MAPK10: variants seen among roughly 807,000 people sequenced by gnomAD.
The protein encoded by MAPK10 is mitogen-activated protein kinase 10, also known as JNK3 alpha protein kinase.
MAPK10 carries 25 observed loss-of-function variants against 59.3 expected under a neutral mutation model. The observed-to-expected ratio is 0.42, with a 90% confidence interval of 0.31 to 0.59. The LOEUF (loss-of-function observed/expected upper bound fraction) is 0.59. MAPK10 is among the 20% of genes least tolerant of loss of function. The probability of loss-of-function intolerance (pLI) is 0.15; values close to 1 mark genes in which losing one functional copy is unlikely to be tolerated. For synonymous variants in MAPK10, 190 were observed against 200.5 expected (o/e 0.95, Z 0.44); for missense variants, 351 against 568.9 (o/e 0.62, Z 3.90).
chr4:86,011,082 G>C lies in MAPK10; in HGVS notation c.*6146C>G, dbSNP rs1290515475. ...TGACATAAGGTAGAAAATTTCAAAGGAGTGTTTGACTTGTTGCTGGATGTG... is the reference window on the plus strand; with the variant it reads ...TGACATAAGGTAGAAAATTTCAAAGCAGTGTTTGACTTGTTGCTGGATGTG... On this transcript the variant is annotated 3_prime_UTR_variant, in exon 14 of 14. Transcript: ENST00000641462. 6.6e-6 allele frequency: 1 copy of C among 152,192 alleles called. No individual in the cohort carries two copies. Among genetic ancestry groups the C allele is most frequent in the Non-Finnish European group, 1.5e-5 (1 of 68,034 alleles). The allele number at this position is 152,192 out of a possible 1,614,324, so 9.4% of individuals were successfully genotyped here. A position where few individuals can be genotyped will look rare whatever the true frequency, so the allele number is the denominator to read the frequency against.
intron 1 of MAPK10, among the ~76,000 whole-genome samples, chr4:86,378,922 G>T (rs748138838): frequency 3.7e-4 from 56 of 152,184 alleles, no homozygotes; most frequent in Admixed American, 2.0e-3. Context: ...GGTGAGAAAG[G>T]CTTCATGGAA....
At chr4:86,071,569 A>T (rs903281085) in intron 9 of MAPK10, among the ~76,000 whole-genome samples, 1 of 148,838 alleles carries the variant, frequency 6.7e-6, no homozygotes, top group Non-Finnish European at 1.5e-5. Context: ...TGATTTTTGT[A>T]TAAGGTGTAA....
rs35218486 is a variant in MAPK10 at position 86,036,430 on chromosome 4, T to TAA, written c.1111-5001_1111-5000dup. 4.4e-4 allele frequency among the ~76,000 whole-genome samples: 64 copies of TAA among 145,896 alleles called. 1 individual carries two copies. The highest frequency in any genetic ancestry group is 6.9e-3 in the Middle Eastern group (2 of 288). On this transcript the variant is annotated intron_variant, in intron 11 of 13. Transcript: ENST00000641462. ...CTCTCTCAAGTCTCTGAGAACTTGATAAAAAAAAAAACACTGTTCTCTATC... is the reference window on the plus strand; with the variant it reads ...CTCTCTCAAGTCTCTGAGAACTTGATAAAAAAAAAAAAACACTGTTCTCTATC...
intron 2 of MAPK10, among the ~76,000 whole-genome samples, chr4:86,205,778 C>A (rs1474670363): frequency 6.6e-6 from 1 of 151,798 alleles, no homozygotes; most frequent in African/African-American, 2.4e-5. Context: ...ATGGTTAAAA[C>A]ACACACATAT....
intron 1 of MAPK10, among the ~76,000 whole-genome samples, chr4:86,377,212 A>C (rs746616695): frequency 6.6e-6 from 1 of 152,156 alleles, no homozygotes. Flanking sequence ...TGTAAAAGAC[A>C]TCCAGGTTCT....
intron 2 of MAPK10, chr4:86,327,047 T>G (rs1231725148): frequency 6.6e-6 from 1 of 152,218 alleles, no homozygotes; most frequent in East Asian, 1.9e-4. Flanking sequence ...CATGGCTCAC[T>G]GCAGCCTCGA....
chr4:86,176,620 TATA>T (rs2075733353), intron 3 of MAPK10, among the ~76,000 whole-genome samples: 1 of 148,960 alleles, frequency 6.7e-6, no homozygotes, highest in Non-Finnish European at 1.5e-5. Context: ...ATTCATTAAC[TATA>T]ATAACTACTT....
intron 2 of MAPK10, among the ~76,000 whole-genome samples, chr4:86,237,141 G>A (rs183058367): frequency 6.6e-6 from 1 of 152,216 alleles, no homozygotes; most frequent in East Asian, 1.9e-4. Context: ...TTAGTTTGCT[G>A]AGGATGATGG....
chr4:86,403,827 G>A (rs1329349405), intron 1 of MAPK10, among the ~76,000 whole-genome samples: 1 of 152,074 alleles, frequency 6.6e-6, no homozygotes, highest in Non-Finnish European at 1.5e-5. Flanking sequence ...GGGGATTACA[G>A]GTCCCTCCCT....
intron 1 of MAPK10, among the ~76,000 whole-genome samples, chr4:86,469,820 T>G (rs956089390): frequency 6.6e-6 from 1 of 152,178 alleles, no homozygotes; most frequent in Admixed American, 6.5e-5. Flanking sequence ...CTGCATCCAT[T>G]TGAGAGATTT....
intron 1 of MAPK10, among the ~76,000 whole-genome samples, chr4:86,374,049 TA>T (rs1739365641): frequency 6.6e-6 from 1 of 152,036 alleles, no homozygotes; most frequent in Admixed American, 6.5e-5. Context: ...ATGTGGCACA[TA>T]TACACCATGG....
At chr4:86,543,474 C>T (rs1307769737) in intron 1 of MAPK10, among the ~76,000 whole-genome samples, 1 of 152,146 alleles carries the variant, frequency 6.6e-6, no homozygotes, top group Non-Finnish European at 1.5e-5. Flanking sequence ...GCTGAAGAGA[C>T]ACCTAACTCA....
intron 1 of MAPK10, among the ~76,000 whole-genome samples, chr4:86,422,127 T>A (rs1746614441): frequency 6.6e-6 from 1 of 152,144 alleles, no homozygotes; most frequent in African/African-American, 2.4e-5. Flanking sequence ...AGTTAACTAT[T>A]TTTTTTACAT....
At chr4:86,309,673 T>G (rs1176847472) in intron 2 of MAPK10, among the ~76,000 whole-genome samples, 1 of 152,124 alleles carries the variant, frequency 6.6e-6, no homozygotes, top group Non-Finnish European at 1.5e-5. Context: ...CTTGGGCAAG[T>G]TACTAACCTC....
Position 86,320,651 on chromosome 4 carries a change from C to A in MAPK10, c.-7+33879G>T, listed in dbSNP as rs1230606890. Among the ~76,000 whole-genome samples, 4 of 152,120 alleles carry A rather than the reference C, an allele frequency of 2.6e-5. No individual in the cohort carries two copies. The East Asian group carries it at 7.7e-4, about 29-fold the overall frequency. On this transcript the variant is annotated intron_variant, in intron 2 of 13. Transcript: ENST00000641462. ...TAGTTTCTTTTGCTGTGCAGAAGCT[C>A]TTGAGTTTAATTAGATCCCATTTGT... is the stretch of plus-strand genomic sequence containing the variant.
intron 1 of MAPK10, among the ~76,000 whole-genome samples, chr4:86,562,068 G>C (rs753177380): frequency 3.9e-5 from 6 of 152,132 alleles, no homozygotes; most frequent in Non-Finnish European, 5.9e-5. Flanking sequence ...AAAAGTTCAA[G>C]AGTTGGGCCA....
Position 86,194,365 on chromosome 4 carries a change from T to TTGGTTCAC in MAPK10, c.29_36dup (p.Thr13ValfsTer7), listed in dbSNP as rs1394216141. 6.2e-7 allele frequency: 1 copy of TTGGTTCAC among 1,613,340 alleles called. No individual in the cohort carries two copies. On this transcript the variant is annotated frameshift_variant, in exon 3 of 14. Coordinates refer to ENST00000641462, the MANE Select transcript of MAPK10 (RefSeq NM_138982.4). LOFTEE classifies it high-confidence loss of function. ...CAAAAGGCAATTTTCACATCCAATG[T>TTGGTTCAC]TGGTTCACTGCAGTAGTATAAGAAA...
At chr4:86,101,761 G>T in intron 7 of MAPK10, 133 bp downstream of exon 7, 4 of 830,206 alleles carry the variant, frequency 4.8e-6, no homozygotes, top group Non-Finnish European at 7.5e-6. Flanking sequence ...AGTGAACTAG[G>T]TGCTAATTCT....
At chr4:86,083,805 T>C (rs867716672) in intron 9 of MAPK10, among the ~76,000 whole-genome samples, 2 of 152,022 alleles carry the variant, frequency 1.3e-5, no homozygotes, top group East Asian at 3.9e-4. Flanking sequence ...TCCATCCACA[T>C]GAGGAGAGGA....
Sources: gnomAD v4.1 joint callset for allele counts (sites outside exome capture counted in the v4.1 genomes callset) on GRCh38, gnomAD v4.1.1 for gene constraint, MANE v1.5 for transcripts, NCBI Gene and HGNC (gene_info 2026-07-23, HGNC 2026-07-21) for gene names.